Variants in LDLRAD3 observed in about 807,000 individuals in gnomAD.
LDLRAD3 encodes low-density lipoprotein receptor class A domain-containing protein 3.
A neutral mutation model predicts 29.4 loss-of-function variants in LDLRAD3; 20 were observed. The ratio of observed to expected loss-of-function variants is 0.68; its 90% CI spans 0.48 to 0.99. LDLRAD3 has a LOEUF of 0.99. Ranked by LOEUF, LDLRAD3 falls within the 50% of genes least tolerant of loss-of-function variation. The pLI is 0.00. For synonymous variants in LDLRAD3, 157 were observed against 192.7 expected, an observed-to-expected ratio of 0.81 and a Z score of 1.53; for missense variants, 420 against 454.3, an observed-to-expected ratio of 0.92 and a Z score of 0.69.
rs143410770 is a variant in LDLRAD3 at position 36,066,371 on chromosome 11, G to T, written c.194-15282G>T. 7.6e-3 allele frequency among the ~76,000 whole-genome samples: 1,163 copies of T among 152,204 alleles called. 47 individuals are homozygous for T. The highest frequency in any genetic ancestry group is 0.07 in the Admixed American group (1,071 of 15,290). On this transcript the variant is annotated intron_variant, in intron 2 of 5. Coordinates refer to ENST00000315571, the MANE Select transcript of LDLRAD3 (RefSeq NM_174902.4). Reference sequence around the variant, plus strand: ...AAGTTTTTCCACCAAGTAGTGAAAAGCCTCCAGAGGCTCAGTTACCTAACC... The same window carrying T: ...AAGTTTTTCCACCAAGTAGTGAAAATCCTCCAGAGGCTCAGTTACCTAACC...
At chr11:36,021,130 A>T (rs1852089245) in intron 1 of LDLRAD3, among the ~76,000 whole-genome samples, 1 of 152,152 alleles carries the variant, frequency 6.6e-6, no homozygotes, top group Non-Finnish European at 1.5e-5. Context: ...TGTGCCAGGG[A>T]TGGAAGTATC....
chr11:36,128,626 A>G (rs1164126564), intron 4 of LDLRAD3, among the ~76,000 whole-genome samples: 1 of 152,100 alleles, frequency 6.6e-6, no homozygotes, highest in Non-Finnish European at 1.5e-5. Context: ...AAGTGGGTAG[A>G]TTGCCTGAGG....
At chr11:36,084,695 A>C (rs1308453217) in intron 3 of LDLRAD3, among the ~76,000 whole-genome samples, 1 of 152,188 alleles carries the variant, frequency 6.6e-6, no homozygotes, top group Non-Finnish European at 1.5e-5. Context: ...CTAATGAAAA[A>C]TGGGTCTAGG....
At chr11:36,028,510 C>T (rs1318149860) in intron 1 of LDLRAD3, among the ~76,000 whole-genome samples, 2 of 152,106 alleles carry the variant, frequency 1.3e-5, no homozygotes, top group African/African-American at 4.8e-5. Context: ...AGTCAGCCAT[C>T]ACCTGCTTGT....
intron 1 of LDLRAD3, among the ~76,000 whole-genome samples, chr11:35,984,270 A>G (rs1318763337): frequency 6.6e-6 from 1 of 152,156 alleles, no homozygotes; most frequent in Non-Finnish European, 1.5e-5. Flanking sequence ...TTGACCGCCC[A>G]CAATGCATTA....
chr11:36,202,920 A>G (rs7943995), intron 4 of LDLRAD3, among the ~76,000 whole-genome samples: 11,633 of 152,160 alleles, frequency 0.076, 1,440 homozygotes, highest in African/African-American at 0.26. Context: ...ACTGTGCTAC[A>G]TACTTATTTA....
At chr11:36,117,596 C>T (rs1853693253) in intron 4 of LDLRAD3, among the ~76,000 whole-genome samples, 1 of 152,148 alleles carries the variant, frequency 6.6e-6, no homozygotes, top group South Asian at 2.1e-4. Context: ...ATCGGAACAC[C>T]CCAGCAGAGC....
At chr11:36,167,193 G>A (rs991155865) in intron 4 of LDLRAD3, among the ~76,000 whole-genome samples, 1 of 152,164 alleles carries the variant, frequency 6.6e-6, no homozygotes, top group Non-Finnish European at 1.5e-5. Context: ...GCAGTCTTGA[G>A]TCAGAAGGGA....
chr11:36,077,616 C>T (rs145701562), intron 2 of LDLRAD3, among the ~76,000 whole-genome samples: 431 of 152,296 alleles, frequency 2.8e-3, no homozygotes, highest in African/African-American at 9.3e-3. Context: ...GTGCCAGCTC[C>T]CTGCAAGGCT....
At chr11:36,194,796 A>G (rs1855007596) in intron 4 of LDLRAD3, among the ~76,000 whole-genome samples, 1 of 152,212 alleles carries the variant, frequency 6.6e-6, no homozygotes, top group Non-Finnish European at 1.5e-5. Flanking sequence ...CATTCAGTCC[A>G]CAATACTAGA....
At chr11:36,039,471 C>G (rs1341697574) in intron 2 of LDLRAD3, among the ~76,000 whole-genome samples, 2 of 148,712 alleles carry the variant, frequency 1.3e-5, no homozygotes, top group Non-Finnish European at 2.9e-5. Flanking sequence ...TTCCTCCTCT[C>G]CAAAATGGGG....
chr11:36,128,636 G>T (rs1204636504), intron 4 of LDLRAD3, among the ~76,000 whole-genome samples: 1 of 152,126 alleles, frequency 6.6e-6, no homozygotes, highest in African/African-American at 2.4e-5. Flanking sequence ...ATTGCCTGAG[G>T]TCGGGACTTC....
chr11:35,995,113 TC>T (rs2133171389), intron 1 of LDLRAD3, among the ~76,000 whole-genome samples: 1 of 152,324 alleles, frequency 6.6e-6, no homozygotes, highest in South Asian at 2.1e-4. Context: ...GTGAATCCTT[TC>T]CAGAAGGTTT....
At chr11:35,987,040 CTGTT>C (rs1447010200) in intron 1 of LDLRAD3, among the ~76,000 whole-genome samples, 5 of 152,168 alleles carry the variant, frequency 3.3e-5, no homozygotes, top group African/African-American at 1.2e-4. Flanking sequence ...CATTTAAAAT[CTGTT>C]TGAGTATTCG....
chr11:36,103,322 C>A (rs1853477979), intron 4 of LDLRAD3, among the ~76,000 whole-genome samples: 1 of 150,066 alleles, frequency 6.7e-6, no homozygotes, highest in Non-Finnish European at 1.5e-5. Context: ...ACTGCAGGCT[C>A]CACCTCCCGG....
At chr11:36,149,759 C>A (rs1288798541) in intron 4 of LDLRAD3, among the ~76,000 whole-genome samples, 1 of 152,152 alleles carries the variant, frequency 6.6e-6, no homozygotes, top group Non-Finnish European at 1.5e-5. Flanking sequence ...GAACACAGTG[C>A]CAGAGCTTCC....
intron 4 of LDLRAD3, among the ~76,000 whole-genome samples, chr11:36,195,858 T>C (rs976347073): frequency 1.3e-5 from 2 of 152,146 alleles, no homozygotes; most frequent in Admixed American, 6.5e-5. Context: ...CATATGTGCA[T>C]AAAATTCAGA....
intron 1 of LDLRAD3, among the ~76,000 whole-genome samples, chr11:35,988,304 C>T (rs1189896596): frequency 1.3e-5 from 2 of 152,176 alleles, no homozygotes; most frequent in Non-Finnish European, 2.9e-5. Context: ...AAGTGATTCT[C>T]CCACCTCAAC....
intron 1 of LDLRAD3, among the ~76,000 whole-genome samples, chr11:36,004,713 T>C (rs1851863533): frequency 6.6e-6 from 1 of 152,228 alleles, no homozygotes; most frequent in Non-Finnish European, 1.5e-5. Context: ...GCATGAGGGC[T>C]CTGCCCCTGC....
Sources: allele counts gnomAD v4.1 joint callset (sites outside exome capture counted in the v4.1 genomes callset), GRCh38; gene constraint gnomAD v4.1.1; transcripts MANE v1.5; gene names NCBI Gene and HGNC (gene_info 2026-07-23, HGNC 2026-07-21).